KANK1: variants seen among roughly 807,000 people sequenced by gnomAD.
The protein encoded by KANK1 is KN motif and ankyrin repeat domains 1.
A neutral mutation model predicts 106.2 loss-of-function variants in KANK1; 109 were observed. That is an observed-to-expected ratio of 1.03 (90% CI 0.88 to 1.20). The LOEUF is 1.20. Among genes scored for constraint, KANK1 ranks in the 50% most tolerant of loss-of-function variants. The pLI, the probability that KANK1 is intolerant of heterozygous loss-of-function variation, is 0.00. For synonymous variants in KANK1, 873 were observed against 652.2 expected, an observed-to-expected ratio of 1.34 and a Z score of -5.16; for missense variants, 2,399 against 1,710.7, an observed-to-expected ratio of 1.40 and a Z score of -7.10.
intron 1 of KANK1, among the ~76,000 whole-genome samples, chr9:666,470 C>A (rs1844609889): frequency 6.6e-6 from 1 of 151,874 alleles, no homozygotes; most frequent in Non-Finnish European, 1.5e-5. Context: ...GCCAGGACTT[C>A]CGCTTTATGT....
intron 7 of KANK1, among the ~76,000 whole-genome samples, chr9:736,018 C>T (rs945180749): frequency 5.3e-5 from 8 of 152,082 alleles, no homozygotes; most frequent in African/African-American, 1.4e-4. Context: ...AGTGCAGTGG[C>T]GTGATCTCGG....
intron 3 of KANK1, among the ~76,000 whole-genome samples, chr9:496,474 T>C (rs1305809393): frequency 6.6e-6 from 1 of 152,174 alleles, no homozygotes; most frequent in Non-Finnish European, 1.5e-5. Context: ...GAAGAATTGC[T>C]TGAACTTGAG....
At chr9:693,948 T>G (rs1429904570) in intron 2 of KANK1, among the ~76,000 whole-genome samples, 1 of 152,168 alleles carries the variant, frequency 6.6e-6, no homozygotes, top group Non-Finnish European at 1.5e-5. Context: ...CAGTGAAAAT[T>G]TCAGCTTTAC....
chr9:629,484 C>G (rs1012558597), intron 1 of KANK1, among the ~76,000 whole-genome samples: 3 of 152,206 alleles, frequency 2.0e-5, no homozygotes, highest in Non-Finnish European at 4.4e-5. Flanking sequence ...GCCATCTGCT[C>G]AGATACATTA....
At chr9:567,714 C>G (rs1024837577) in intron 1 of KANK1, among the ~76,000 whole-genome samples, 35 of 152,344 alleles carry the variant, frequency 2.3e-4, no homozygotes, top group African/African-American at 8.4e-4. Context: ...AAAGGCAGCA[C>G]TTCTTGATAA....
At chr9:585,726 G>A (rs1311278989) in intron 1 of KANK1, among the ~76,000 whole-genome samples, 2 of 152,128 alleles carry the variant, frequency 1.3e-5, no homozygotes, top group Non-Finnish European at 2.9e-5. Flanking sequence ...CTGGGGCTTC[G>A]GATTCAAACT....
intron 1 of KANK1, among the ~76,000 whole-genome samples, chr9:597,866 G>A (rs776657706): frequency 5.3e-5 from 8 of 151,106 alleles, no homozygotes; most frequent in African/African-American, 9.8e-5. Context: ...GGGTTTCACC[G>A]TGTTGGCCAG....
chr9:610,559 C>T (rs995977066), intron 1 of KANK1, among the ~76,000 whole-genome samples: 38 of 152,172 alleles, frequency 2.5e-4, no homozygotes, highest in African/African-American at 8.9e-4. Context: ...TGACCGAGTA[C>T]CCTCTGCTGC....
In KANK1 at chr9:608,207, T is replaced by A. The variant is rs1451887336; in HGVS notation, c.-83-68683T>A. Among the ~76,000 whole-genome samples, 3 of 149,940 alleles carry A rather than the reference T, an allele frequency of 2.0e-5. No homozygotes were observed. In the East Asian group the frequency reaches 5.8e-4, roughly 29 times the overall value. On this transcript the variant is annotated intron_variant, in intron 1 of 11. Coordinates refer to ENST00000382297, the MANE Select transcript of KANK1 (RefSeq NM_015158.5). ...CGCCCGCCACCGCGCCCGGCTAATT[T>A]TTTGTATTTTTAGTAGAGACGGGGT... is the stretch of plus-strand genomic sequence containing the variant.
At chr9:679,244 A>C (rs937229202) in intron 2 of KANK1, among the ~76,000 whole-genome samples, 1 of 152,140 alleles carries the variant, frequency 6.6e-6, no homozygotes, top group Non-Finnish European at 1.5e-5. Context: ...ACCCATGTAC[A>C]TCTATAAGCA....
intron 1 of KANK1, among the ~76,000 whole-genome samples, chr9:617,761 G>A (rs1303245179): frequency 2.0e-5 from 3 of 152,228 alleles, no homozygotes; most frequent in Admixed American, 6.5e-5. Context: ...TTTGTGACGC[G>A]TGCATGTGCA....
intron 1 of KANK1, among the ~76,000 whole-genome samples, chr9:626,337 C>T (rs544084188): frequency 8.5e-5 from 13 of 152,106 alleles, no homozygotes; most frequent in African/African-American, 1.2e-4. Flanking sequence ...TGCCTGTAGT[C>T]CCAGCTACTC....
Position 582,825 on chromosome 9 carries a change from C to T in KANK1, c.-84+78071C>T, listed in dbSNP as rs74537393. On this transcript the variant is annotated intron_variant, in intron 1 of 11. Transcript: ENST00000382297. Reference sequence around the variant, plus strand: ...TTATACAGCACAGTGTGCTTTGCCCCTCACAAAAGCGTGGGTTCAGATGTA... The same window carrying T: ...TTATACAGCACAGTGTGCTTTGCCCTTCACAAAAGCGTGGGTTCAGATGTA... 1.3e-3 allele frequency among the ~76,000 whole-genome samples: 200 copies of T among 152,298 alleles called. 8 individuals carry two copies. In the East Asian group the frequency reaches 0.031, roughly 24 times the overall value.
chr9:520,761 T>A (rs756775867), intron 1 of KANK1, among the ~76,000 whole-genome samples: 2 of 151,782 alleles, frequency 1.3e-5, no homozygotes, highest in African/African-American at 4.9e-5. Context: ...GATTAATCTT[T>A]TATGAATTGG....
intron 1 of KANK1, among the ~76,000 whole-genome samples, chr9:518,267 C>T (rs2059382455): frequency 6.6e-6 from 1 of 151,774 alleles, no homozygotes; most frequent in Non-Finnish European, 1.5e-5. Context: ...ACTGTGCTTA[C>T]CTGTTGAGGC....
At chr9:554,759 T>C (rs1169670005) in intron 1 of KANK1, among the ~76,000 whole-genome samples, 3 of 152,188 alleles carry the variant, frequency 2.0e-5, no homozygotes, top group African/African-American at 4.8e-5. Flanking sequence ...ATTTTGTAAA[T>C]GGAAATGCCA....
intron 1 of KANK1, among the ~76,000 whole-genome samples, chr9:556,339 A>G (rs1318614725): frequency 6.6e-6 from 1 of 152,204 alleles, no homozygotes; most frequent in Non-Finnish European, 1.5e-5. Flanking sequence ...ATGTGAGTTT[A>G]GTGATTCCCA....
At chr9:684,651 C>T (rs1235054232) in intron 2 of KANK1, 2 of 872,688 alleles carry the variant, frequency 2.3e-6, no homozygotes, top group Non-Finnish European at 2.7e-6. Flanking sequence ...CTGAGCCCAT[C>T]AAAGGTATAG....
At chr9:480,884 G>A (rs2058192232) in intron 3 of KANK1, among the ~76,000 whole-genome samples, 1 of 152,204 alleles carries the variant, frequency 6.6e-6, no homozygotes, top group African/African-American at 2.4e-5. Context: ...GCAGAGGACT[G>A]GAGAGGCACA....
Sources: allele counts gnomAD v4.1 joint callset (sites outside exome capture counted in the v4.1 genomes callset), GRCh38; gene constraint gnomAD v4.1.1; transcripts MANE v1.5; gene names NCBI Gene and HGNC (gene_info 2026-07-23, HGNC 2026-07-21).